Variants in RIMBP2 observed in about 807,000 individuals in gnomAD.
RIMBP2 encodes RIMS-binding protein 2.
RIMBP2 carries 48 observed loss-of-function variants against 118.6 expected under a neutral mutation model. The observed-to-expected ratio is 0.40, with a 90% CI of 0.32 to 0.51. The LOEUF is 0.51. Ranked by LOEUF, RIMBP2 falls within the 20% of genes least tolerant of loss-of-function variation. The pLI is 0.41. For missense variants in RIMBP2, 1,551 were observed against 1,768.3 expected (o/e 0.88, Z 2.20); for synonymous variants, 762 against 742.9 (o/e 1.03, Z -0.42).
rs189729022 is a variant in RIMBP2, at chr12:130,665,895, G to A, written c.-351-37439C>T. 2.6e-4 allele frequency among the ~76,000 whole-genome samples: 39 copies of A among 152,198 alleles called. No homozygotes were observed. The East Asian group carries it at 7.4e-3, about 29-fold the overall frequency. ...TTTGTAAGGAATGTTCCTGCTCTTC[G>A]GAAATGCATGCTGGGGCACGTATGG... On this transcript the variant is annotated intron_variant, in intron 1 of 22. Coordinates refer to ENST00000690449, the MANE Select transcript of RIMBP2 (RefSeq NM_001393629.1).
At chr12:130,594,673 G>A (rs559584464) in intron 2 of RIMBP2, among the ~76,000 whole-genome samples, 2 of 152,300 alleles carry the variant, frequency 1.3e-5, no homozygotes, top group African/African-American at 4.8e-5. Context: ...GGTTGGACAA[G>A]CTTGTTTTAA....
At chr12:130,626,875 A>G (rs375664645) in intron 2 of RIMBP2, among the ~76,000 whole-genome samples, 3,266 of 146,652 alleles carry the variant, frequency 0.022, 53 homozygotes, top group South Asian at 0.073. Context: ...CATCTTCTCC[A>G]TCACCACGAC....
chr12:130,437,095 G>A lies in RIMBP2; in HGVS notation c.1853C>T (p.Pro618Leu), dbSNP rs780978920. The change falls in exon 13 of 23, where the codon CCA becomes CTA. Residue 618 changes from proline to leucine, a missense_variant. This residue lies in a region of RIMBP2 where 1,038 missense variants were observed against 1,125.1 expected (regional missense o/e 0.92). Transcript: ENST00000690449. ...PHPRPAPQSK[P>L]LASSGVPETK... ...TTCGGGGACTCCAGAACTTGCTAAT[G>A]GCTTTGATTGGGGTGCAGGTCTCGG... 1.9e-6 allele frequency: 3 copies of A among 1,577,770 alleles called. No homozygotes were observed. The highest frequency in any genetic ancestry group is 2.3e-5 in the East Asian group (1 of 44,298).
intron 17 of RIMBP2, among the ~76,000 whole-genome samples, chr12:130,416,334 G>A (rs145278936): frequency 1.1e-3 from 168 of 152,224 alleles, no homozygotes; most frequent in African/African-American, 3.9e-3. Flanking sequence ...ATACTATAAG[G>A]CTACAGTCAC....
intron 9 of RIMBP2, among the ~76,000 whole-genome samples, chr12:130,449,582 C>A (rs899940106): frequency 2.6e-5 from 4 of 152,070 alleles, no homozygotes; most frequent in African/African-American, 7.2e-5. Context: ...CTGGACATGT[C>A]CCCTTTCACT....
Position 130,675,221 on chromosome 12 carries a change from CG to C in RIMBP2, c.-352+41000del, listed in dbSNP as rs1442085508. The stretch of plus-strand genomic sequence containing the variant: ...GAGCCGCGGCCTCTGCTGAGACAGG[CG>C]GGTTTGTCCGCAGGCCTTCGGGAAC... On this transcript the variant is annotated intron_variant, in intron 1 of 22. Transcript: ENST00000690449. 2.0e-5 allele frequency among the ~76,000 whole-genome samples: 3 copies of C among 152,318 alleles called. No individual in the cohort carries two copies. The East Asian group carries it at 5.8e-4, about 29-fold the overall frequency.
chr12:130,683,253 A>C lies in RIMBP2; in HGVS notation c.-352+32969T>G, dbSNP rs2064883021. Among the ~76,000 whole-genome samples, 1 of 152,186 alleles carries C rather than the reference A, an allele frequency of 6.6e-6. No individual in the cohort carries two copies. The highest frequency in any genetic ancestry group is 1.5e-5 in the Non-Finnish European group (1 of 68,038). On this transcript the variant is annotated intron_variant, in intron 1 of 22. Transcript: ENST00000690449. The surrounding 1 kb of genome is among the most constrained non-coding windows in gnomAD (Gnocchi z 4.4). Reference sequence around the variant, plus strand: ...GGATGGCAGTGGAACCAGAGGTCGGAGTGATGTGGCCACAAGCCCAAGGAT... The same window carrying C: ...GGATGGCAGTGGAACCAGAGGTCGGCGTGATGTGGCCACAAGCCCAAGGAT...
At position 130,621,379 on chromosome 12, in the gene RIMBP2, C is replaced by G. The variant is rs2061303217; in HGVS notation, c.-217+6943G>C. Reference sequence around the variant, plus strand: ...ACTCCAAGTGCACCATTAAGGGACTCTGATTAAAGACTGACGCCAACACAG... The same window carrying G: ...ACTCCAAGTGCACCATTAAGGGACTGTGATTAAAGACTGACGCCAACACAG... On this transcript the variant is annotated intron_variant, in intron 2 of 22. Transcript: ENST00000690449. This position sits in a 1 kb window ranked among gnomAD's most constrained non-coding sequence, Gnocchi z 6.6. 6.6e-6 allele frequency among the ~76,000 whole-genome samples: 1 copy of G among 152,160 alleles called. No homozygotes were observed. The highest frequency in any genetic ancestry group is 6.5e-5 in the Admixed American group (1 of 15,280).
At chr12:130,527,069 G>A (rs1188527347) in intron 2 of RIMBP2, among the ~76,000 whole-genome samples, 1 of 152,086 alleles carries the variant, frequency 6.6e-6, no homozygotes, top group African/African-American at 2.4e-5. Context: ...GGTTAAGGCC[G>A]AGGGCAGTCA....
chr12:130,714,759 C>T (rs934534656), intron 1 of RIMBP2, among the ~76,000 whole-genome samples: 22 of 152,338 alleles, frequency 1.4e-4, no homozygotes, highest in African/African-American at 4.6e-4. Flanking sequence ...AGGGAACCTC[C>T]GGAGCCGGTC....
chr12:130,411,210 G>A (rs1230460483), intron 19 of RIMBP2, among the ~76,000 whole-genome samples: 1 of 152,166 alleles, frequency 6.6e-6, no homozygotes, highest in African/African-American at 2.4e-5. Flanking sequence ...CATTGATGTT[G>A]CTACACTCCA....
intron 14 of RIMBP2, chr12:130,430,421 C>A (rs554166355): frequency 6.6e-6 from 1 of 152,294 alleles, no homozygotes; most frequent in African/African-American, 2.4e-5. Flanking sequence ...GGATTTGGAT[C>A]ATCACTATAG....
intron 2 of RIMBP2, among the ~76,000 whole-genome samples, chr12:130,575,646 C>T (rs1401109989): frequency 6.6e-6 from 1 of 152,182 alleles, no homozygotes; most frequent in African/African-American, 2.4e-5. Flanking sequence ...CGTCGTGCAG[C>T]GTGCTACCTA....
chr12:130,614,620 C>T (rs941934272), intron 2 of RIMBP2, among the ~76,000 whole-genome samples: 2 of 151,996 alleles, frequency 1.3e-5, no homozygotes, highest in Non-Finnish European at 2.9e-5. Flanking sequence ...CATAAGAATG[C>T]GCACATGAAG....
intron 1 of RIMBP2, among the ~76,000 whole-genome samples, chr12:130,646,678 C>G (rs1172101805): frequency 6.6e-6 from 1 of 152,188 alleles, no homozygotes; most frequent in Non-Finnish European, 1.5e-5. Flanking sequence ...GAAGCCCTAT[C>G]TAAAACTTAA....
intron 1 of RIMBP2, among the ~76,000 whole-genome samples, chr12:130,649,029 A>G (rs1310432695): frequency 6.9e-6 from 1 of 145,572 alleles, no homozygotes; most frequent in African/African-American, 2.5e-5. Context: ...TGTGGATTCC[A>G]TGATCCTCAA....
intron 2 of RIMBP2, among the ~76,000 whole-genome samples, chr12:130,603,687 G>C (rs1295457438): frequency 6.6e-6 from 1 of 152,148 alleles, no homozygotes; most frequent in Non-Finnish European, 1.5e-5. Context: ...TTCTGAGAGA[G>C]GTGAAAGCTC....
intron 2 of RIMBP2, among the ~76,000 whole-genome samples, chr12:130,533,565 C>T (rs2053699865): frequency 6.6e-6 from 1 of 152,138 alleles, no homozygotes; most frequent in South Asian, 2.1e-4. Context: ...CTGGTATCCA[C>T]CCAAAGGAAA....
intron 6 of RIMBP2, among the ~76,000 whole-genome samples, chr12:130,463,062 G>T (rs568648543): frequency 1.3e-5 from 2 of 152,364 alleles, no homozygotes; most frequent in Admixed American, 6.5e-5. Flanking sequence ...TGCCAGGGGG[G>T]TCCCTGCTGG....
Sources: gnomAD v4.1 joint callset for allele counts (sites outside exome capture counted in the v4.1 genomes callset) on GRCh38, gnomAD v4.1.1 for gene constraint, gnomAD v4.1.1 regional missense constraint, Gnocchi (gnomAD v3.1) non-coding constraint, MANE v1.5 for transcripts, NCBI Gene and HGNC (gene_info 2026-07-23, HGNC 2026-07-21) for gene names.